PRLR: variants seen among roughly 807,000 people sequenced by gnomAD.
PRLR encodes the protein hPRL receptor.
Under a neutral mutation model 40.2 loss-of-function variants are expected in PRLR, and 13 were observed. That is an observed-to-expected ratio of 0.32 (90% confidence interval 0.21 to 0.51). PRLR has a LOEUF of 0.51. Among genes scored for constraint, PRLR ranks in the 20% least tolerant of loss-of-function variants. The pLI, the probability that PRLR is intolerant of heterozygous loss-of-function variation, is 0.97. For missense variants in PRLR, 656 were observed against 747.3 expected, an observed-to-expected ratio of 0.88 and a Z score of 1.42; for synonymous variants, 269 against 278.7, an observed-to-expected ratio of 0.97 and a Z score of 0.35.
chr5:35,053,896 C>T (rs756640972), downstream of PRLR, among the ~76,000 whole-genome samples: 1 of 152,094 alleles, frequency 6.6e-6, no homozygotes, highest in Admixed American at 6.6e-5. Context: ...TACCAGATAA[C>T]AAGACTTTGT....
intron 1 of PRLR, among the ~76,000 whole-genome samples, chr5:35,121,316 A>G (rs1026575613): frequency 6.6e-6 from 1 of 152,224 alleles, no homozygotes; most frequent in African/African-American, 2.4e-5. Context: ...TATCTTCAGC[A>G]TGGTACAGTG....
chr5:35,106,062 G>T (rs1772226583), intron 2 of PRLR, among the ~76,000 whole-genome samples: 1 of 152,118 alleles, frequency 6.6e-6, no homozygotes, highest in Admixed American at 6.5e-5. Context: ...AGAGAGTGGG[G>T]GCCAATATTC....
rs3034214 is a variant in PRLR, at chr5:35,074,504, CAT to C, written c.374-1762_374-1761del. 7.1e-4 allele frequency among the ~76,000 whole-genome samples: 94 copies of C among 132,412 alleles called. 1 individual carries two copies. The highest frequency in any genetic ancestry group is 2.1e-3 in the East Asian group (10 of 4,820). 86.9% of individuals were successfully genotyped at this position (132,412 alleles called of 152,430 possible). ...AACAGCTACATATTTTTTATGATTC[CAT>C]ATATATATATATATATATATGAAAT... On this transcript the variant is annotated intron_variant, in intron 5 of 9. Transcript: ENST00000618457.
At chr5:35,167,356 T>C (rs1367550271) in intron 1 of PRLR, among the ~76,000 whole-genome samples, 1 of 152,018 alleles carries the variant, frequency 6.6e-6, no homozygotes, top group African/African-American at 2.4e-5. Context: ...GTTCTGGGAT[T>C]TGAGACAGTG....
At chr5:35,224,269 C>T (rs979244892) in intron 1 of PRLR, among the ~76,000 whole-genome samples, 4 of 152,218 alleles carry the variant, frequency 2.6e-5, no homozygotes, top group African/African-American at 7.2e-5. Context: ...TCTAACTCAT[C>T]ACAATCCTGC....
rs145237591 is a variant in PRLR, at chr5:35,060,806, T to C, written c.*4283A>G. 6.6e-6 allele frequency: 1 copy of C among 152,348 alleles called. No homozygotes were observed. The highest frequency in any genetic ancestry group is 1.9e-4 in the East Asian group (1 of 5,188). The allele number at this position is 152,348 out of a possible 1,614,324, so 9.4% of individuals were successfully genotyped here. A position where few individuals can be genotyped will look rare whatever the true frequency, so the allele number is the denominator to read the frequency against. On this transcript the variant is annotated 3_prime_UTR_variant, in exon 10 of 10. Coordinates refer to ENST00000618457, the MANE Select transcript of PRLR (RefSeq NM_000949.7). ...TCAAAGTCATTTATATTTTTCTGTT[T>C]GTGTACAAAGTTCCAATGTGCATGC...
In PRLR at chr5:35,072,869, C is replaced by T. The variant is rs536673709; in HGVS notation, c.374-125G>A. The T allele has an allele frequency of 7.0e-5, 78 of 1,107,210 alleles. No individual in the cohort carries two copies. In the African/African-American group the frequency reaches 1.1e-3, roughly 15 times the overall value. The allele number at this position is 1,107,210 out of a possible 1,614,324, so 68.6% of individuals were successfully genotyped here. On this transcript the variant is annotated intron_variant, in intron 5 of 9. Coordinates refer to ENST00000618457, the MANE Select transcript of PRLR (RefSeq NM_000949.7). Reference sequence around the variant, plus strand: ...ACTCTTCCCACTGTACTATAAGCCCCCCAAATACCCGGGCCTTTTGTCTTC... The same window carrying T: ...ACTCTTCCCACTGTACTATAAGCCCTCCAAATACCCGGGCCTTTTGTCTTC...
chr5:35,155,134 C>G (rs1364321858), intron 1 of PRLR, among the ~76,000 whole-genome samples: 2 of 152,052 alleles, frequency 1.3e-5, no homozygotes, highest in Admixed American at 6.6e-5. Flanking sequence ...GTACATGTAC[C>G]CCTGAACTTA....
chr5:35,065,250 C>A lies in PRLR; in HGVS notation c.1708G>T (p.Ala570Ser). The A allele has an allele frequency of 6.2e-7, 1 of 1,614,140 alleles. No individual in the cohort carries two copies. Among genetic ancestry groups the A allele is most frequent in the Non-Finnish European group, 8.5e-7 (1 of 1,180,012 alleles). The change falls in exon 10 of 10, where the codon GCT becomes TCT. Residue 570 changes from alanine to serine, a missense_variant. By Grantham distance (99) the Ala-to-Ser change is moderately conservative (BLOSUM62 1). This residue lies in a region of PRLR where 469 missense variants were observed against 491.5 expected (regional missense o/e 0.95). Coordinates refer to ENST00000618457, the MANE Select transcript of PRLR (RefSeq NM_000949.7). ...LVPDPHAKNV[A>S]CFEESAKEAP... ...TCTTTGGCTGATTCTTCAAAGCAAG[C>A]CACGTTTTTAGCATGTGGATCTGGC...
At chr5:35,074,700 G>A (rs1046117701) in intron 5 of PRLR, among the ~76,000 whole-genome samples, 3 of 151,846 alleles carry the variant, frequency 2.0e-5, no homozygotes, top group African/African-American at 4.8e-5. Context: ...ATAAACTAAT[G>A]CATTCAATTG....
At chr5:35,103,806 T>C (rs1246245845) in intron 2 of PRLR, among the ~76,000 whole-genome samples, 1 of 152,228 alleles carries the variant, frequency 6.6e-6, no homozygotes, top group Non-Finnish European at 1.5e-5. Context: ...CTCTCAATTA[T>C]AGCAATTGCC....
At chr5:35,148,017 C>A (rs1176970059) in intron 1 of PRLR, among the ~76,000 whole-genome samples, 2 of 151,878 alleles carry the variant, frequency 1.3e-5, no homozygotes, top group Non-Finnish European at 2.9e-5. Context: ...GATAGAAAAA[C>A]AACAGGGAAT....
rs966687694 is a variant in PRLR at position 35,060,560 on chromosome 5, G to T, written c.*4529C>A. 6.6e-6 allele frequency: 1 copy of T among 152,176 alleles called. No individual in the cohort carries two copies. Among genetic ancestry groups the T allele is most frequent in the Non-Finnish European group, 1.5e-5 (1 of 68,038 alleles). 9.4% of individuals were successfully genotyped at this position (152,176 alleles called of 1,614,324 possible). A position where few individuals can be genotyped will look rare whatever the true frequency, so the allele number is the denominator to read the frequency against. ...GCCAACCTACTTATTTAACAAGTAA[G>T]GAACCTGATGGCCAGAGTTTAAAAG... On this transcript the variant is annotated 3_prime_UTR_variant, in exon 10 of 10. Transcript: ENST00000618457.
chr5:35,214,317 T>C (rs1776235324), intron 1 of PRLR, among the ~76,000 whole-genome samples: 1 of 152,236 alleles, frequency 6.6e-6, no homozygotes, highest in Non-Finnish European at 1.5e-5. Context: ...ACAGTGGCCC[T>C]GAAACTGTGC....
chr5:35,145,546 G>A (rs1774159438), intron 1 of PRLR, among the ~76,000 whole-genome samples: 1 of 152,154 alleles, frequency 6.6e-6, no homozygotes, highest in Non-Finnish European at 1.5e-5. Context: ...CTTTGAACTT[G>A]GCTTGAGGAT....
At chr5:35,227,559 G>T (rs2111695856) in intron 1 of PRLR, among the ~76,000 whole-genome samples, 1 of 152,220 alleles carries the variant, frequency 6.6e-6, no homozygotes, top group East Asian at 1.9e-4. Flanking sequence ...TAGTAGGCAT[G>T]AATATTGCTA....
intron 1 of PRLR, among the ~76,000 whole-genome samples, chr5:35,200,571 C>T (rs1353886615): frequency 6.6e-6 from 1 of 152,190 alleles, no homozygotes; most frequent in East Asian, 1.9e-4. Flanking sequence ...AAGAACAAGG[C>T]TTTTCTTAAC....
intron 1 of PRLR, among the ~76,000 whole-genome samples, chr5:35,139,546 A>G (rs1773955054): frequency 6.6e-6 from 1 of 152,240 alleles, no homozygotes; most frequent in African/African-American, 2.4e-5. Context: ...ACTATAAAAT[A>G]ATCCAGATAC....
chr5:35,055,620 C>T (rs1768671729), downstream of PRLR: 1 of 151,746 alleles, frequency 6.6e-6, no homozygotes, highest in African/African-American at 2.4e-5. Flanking sequence ...TTTGTTGTGG[C>T]AAAGAAAAAA....
Sources: allele counts gnomAD v4.1 joint callset (sites outside exome capture counted in the v4.1 genomes callset), GRCh38; gene constraint gnomAD v4.1.1; regional missense constraint gnomAD v4.1.1; transcripts MANE v1.5; gene names NCBI Gene and HGNC (gene_info 2026-07-23, HGNC 2026-07-21).